The following PRRT2 variants were observed in gnomAD, a reference collection of about 807,000 sequenced individuals.
PRRT2 encodes proline rich transmembrane protein 2.
PRRT2 carries 9 observed loss-of-function variants against 24.7 expected under a neutral mutation model. That is an observed-to-expected ratio of 0.36 (90% confidence interval 0.22 to 0.64). The LOEUF (loss-of-function observed/expected upper bound fraction) is 0.64. Among genes scored for constraint, PRRT2 ranks in the 30% least tolerant of loss-of-function variants. PRRT2 has a pLI of 0.65. For synonymous variants in PRRT2, 195 were observed against 175.5 expected (o/e 1.11, Z -0.88); for missense variants, 460 against 435.0 (o/e 1.06, Z -0.51).
chr16:29,813,711 G>T lies in PRRT2; in HGVS notation c.657G>T (p.Leu219=), dbSNP rs1378426979. 1.3e-6 allele frequency: 2 copies of T among 1,578,344 alleles called. No individual in the cohort carries two copies. The highest frequency in any genetic ancestry group is 4.5e-5 in the East Asian group (2 of 44,308). The part of the protein sequence containing the change: ...PPANGAPPRV[L]QQLVEEDRMR... ...CCAATGGGGCCCCCCCCCGAGTGCT[G>T]CAGCAGCTGGTTGAGGAGGATCGAA... Residue 219 remains leucine, a synonymous_variant, in exon 2 of 4, where the codon CTG becomes CTT. Transcript: ENST00000358758.
In PRRT2 at chr16:29,814,529, C is replaced by T; in HGVS notation, c.1012+64C>T. The T allele has an allele frequency of 1.2e-6, 2 of 1,607,376 alleles. No homozygotes were observed. Among genetic ancestry groups the T allele is most frequent in the Non-Finnish European group, 1.7e-6 (2 of 1,176,564 alleles). On this transcript the variant is annotated intron_variant, in intron 3 of 3. Coordinates refer to ENST00000358758, the MANE Select transcript of PRRT2 (RefSeq NM_145239.3). This position sits in a 1 kb window ranked among gnomAD's most constrained non-coding sequence, Gnocchi z 4.1. The stretch of plus-strand genomic sequence containing the variant: ...GGGTTGGCAAGGGCAGCTTTACTAA[C>T]CCCTGCCCCTGCTCTCTCCTGTCTG...
Position 29,813,403 on chromosome 16 carries a change from G to C in PRRT2, c.349G>C (p.Glu117Gln), listed in dbSNP as rs1900078271. Reference sequence around the variant, plus strand: ...AGTGTCCAAACCAGAAGTGAGCAAAGAGGCCACTGCAGACCAGGGGTCCAG... The same window carrying C: ...AGTGTCCAAACCAGAAGTGAGCAAACAGGCCACTGCAGACCAGGGGTCCAG... ...ETVSKPEVSKEATADQGSRLE... is the reference protein window; with the variant it reads ...ETVSKPEVSKQATADQGSRLE... Residue 117 changes from glutamate (E) to glutamine (Q), a missense_variant, in exon 2 of 4, where the codon GAG becomes CAG. This residue lies in a region of PRRT2 where 378 missense variants were observed against 324.6 expected (regional missense o/e 1.16). Transcript: ENST00000358758. 5.0e-6 allele frequency: 8 copies of C among 1,614,162 alleles called. No homozygotes were observed. Among genetic ancestry groups the C allele is most frequent in the Non-Finnish European group, 6.8e-6 (8 of 1,180,018 alleles).
rs1900058666 is a variant in PRRT2 at position 29,813,101 on chromosome 16, A to G, written c.47A>G (p.Glu16Gly). 1.5e-5 allele frequency: 25 copies of G among 1,613,230 alleles called. No homozygotes were observed. Among genetic ancestry groups the G allele is most frequent in the Non-Finnish European group, 2.0e-5 (24 of 1,179,648 alleles). ...SEISEMKGVE[E>G]SPKVPGEGPG... ...ATCTCTGAGATGAAGGGGGTTGAGG[A>G]GAGTCCCAAGGTTCCAGGCGAAGGG... Residue 16 changes from glutamate (E) to glycine (G), a missense_variant, in exon 2 of 4, where the codon GAG becomes GGG. Coordinates refer to ENST00000358758, the MANE Select transcript of PRRT2 (RefSeq NM_145239.3).
chr16:29,814,409 T>C lies in PRRT2; in HGVS notation c.956T>C (p.Val319Ala). Residue 319 changes from valine (V) to alanine (A), a missense_variant, in exon 3 of 4, where the codon GTG becomes GCG. Around this residue, in one of 3 missense-constraint regions of PRRT2, gnomAD observed 64 missense variants for 71.2 expected, o/e 0.90. Coordinates refer to ENST00000358758, the MANE Select transcript of PRRT2 (RefSeq NM_145239.3). This position sits in a 1 kb window ranked among gnomAD's most constrained non-coding sequence, Gnocchi z 4.1. ...CGGGTAGCCAAGCTCTTAAGCATCGTGGCGCTGGTGGGGGGAGTCCTCATC... is the reference window on the plus strand; with the variant it reads ...CGGGTAGCCAAGCTCTTAAGCATCGCGGCGCTGGTGGGGGGAGTCCTCATC... The part of the protein sequence containing the change: ...LGRVAKLLSI[V>A]ALVGGVLIII... The C allele has an allele frequency of 8.1e-6, 13 of 1,609,702 alleles. No individual in the cohort carries two copies. Among genetic ancestry groups the C allele is most frequent in the Non-Finnish European group, 1.1e-5 (13 of 1,178,032 alleles).
intron 2 of PRRT2, 63 bp downstream of exon 2, chr16:29,813,996 A>G (rs766702791): frequency 1.9e-5 from 29 of 1,528,418 alleles, no homozygotes; most frequent in African/African-American, 2.8e-5. Context: ...CAGCGCTGCA[A>G]TAGAGCCTCT....
At position 29,815,095 on chromosome 16, in the gene PRRT2, T is replaced by G; in HGVS notation, c.*457T>G. 5.9e-6 allele frequency: 1 copy of G among 169,896 alleles called. No homozygotes were observed. Among genetic ancestry groups the G allele is most frequent in the Non-Finnish European group, 1.3e-5 (1 of 79,466 alleles). The allele number at this position is 169,896 out of a possible 1,614,324, so 10.5% of individuals were successfully genotyped here. A position where few individuals can be genotyped will look rare whatever the true frequency, so the allele number is the denominator to read the frequency against. ...GCATCTCTCAACCCTCAGTCCTCTC[T>G]TCCTTCCCTTCTTTATCATCTCCCC... is the stretch of plus-strand genomic sequence containing the variant. On this transcript the variant is annotated 3_prime_UTR_variant, in exon 4 of 4. Transcript: ENST00000358758.
chr16:29,813,930 C>T lies in PRRT2; in HGVS notation c.876C>T (p.Val292=). ...PVNIVAFAYA[V]MSRNSLQQGD... ...ACATCGTGGCCTTCGCTTATGCTGT[C>T]ATGGTGAGCCCCATGGGACCCTAGC... is the stretch of plus-strand genomic sequence containing the variant. The change falls in exon 2 of 4, where the codon GTC becomes GTT. Residue 292 remains valine, a synonymous_variant. Transcript: ENST00000358758. 1 of 1,586,156 alleles carries T rather than the reference C, an allele frequency of 6.3e-7. No homozygotes were observed. The highest frequency in any genetic ancestry group is 8.6e-7 in the Non-Finnish European group (1 of 1,165,442).
In PRRT2 at chr16:29,814,114, T is replaced by C. The variant is rs989178892; in HGVS notation, c.879+181T>C. The C allele has an allele frequency of 3.4e-6, 5 of 1,476,674 alleles. No individual in the cohort carries two copies. The African/African-American group carries it at 5.7e-5, about 17-fold the overall frequency. The allele number at this position is 1,476,674 out of a possible 1,614,324, so 91.5% of individuals were successfully genotyped here. On this transcript the variant is annotated intron_variant, in intron 2 of 3. Coordinates refer to ENST00000358758, the MANE Select transcript of PRRT2 (RefSeq NM_145239.3). This position sits in a 1 kb window ranked among gnomAD's most constrained non-coding sequence, Gnocchi z 4.1. ...AGGACCTAACCCTCTGAGCCACCACTGCCCTGCCCCTTTGGGTGGGAGGGA... is the reference window on the plus strand; with the variant it reads ...AGGACCTAACCCTCTGAGCCACCACCGCCCTGCCCCTTTGGGTGGGAGGGA...
chr16:29,815,722 C>A lies in PRRT2; in HGVS notation c.*1084C>A, dbSNP rs1264935909. ...TTCGGATTTGGCGGGGGTTTTTTTCCTTAAAAAAAAAAAAAAAAAAAAAAA... is the reference window on the plus strand; with the variant it reads ...TTCGGATTTGGCGGGGGTTTTTTTCATTAAAAAAAAAAAAAAAAAAAAAAA... On this transcript the variant is annotated 3_prime_UTR_variant, in exon 4 of 4. Transcript: ENST00000358758. 2.1e-5 allele frequency: 1 copy of A among 47,256 alleles called. No individual in the cohort carries two copies. Among genetic ancestry groups the A allele is most frequent in the Non-Finnish European group, 3.8e-5 (1 of 26,190 alleles). The allele number at this position is 47,256 out of a possible 1,614,324, so 2.9% of individuals were successfully genotyped here. A position where few individuals can be genotyped will look rare whatever the true frequency, so the allele number is the denominator to read the frequency against.
Position 29,814,162 on chromosome 16 carries a change from C to T in PRRT2, c.880-171C>T. The stretch of plus-strand genomic sequence containing the variant: ...GGATATGGAAACACGTGTCACACAG[C>T]CTCGCTGACCTGTGCCCTCCTCCCC... On this transcript the variant is annotated intron_variant, in intron 2 of 3. Transcript: ENST00000358758. This position sits in a 1 kb window ranked among gnomAD's most constrained non-coding sequence, Gnocchi z 4.1. 6.7e-7 allele frequency: 1 copy of T among 1,490,954 alleles called. No individual in the cohort carries two copies. The highest frequency in any genetic ancestry group is 8.9e-7 in the Non-Finnish European group (1 of 1,129,420). The allele number at this position is 1,490,954 out of a possible 1,614,324, so 92.4% of individuals were successfully genotyped here.
Position 29,813,385 on chromosome 16 carries a change from A to G in PRRT2, c.331A>G (p.Lys111Glu). Residue 111 changes from lysine (K) to glutamate (E), a missense_variant, in exon 2 of 4, where the codon AAA (lysine) becomes GAA (glutamate). Lys to Glu is a moderately conservative substitution (Grantham distance 56). Transcript: ENST00000358758. Reference protein sequence around the residue: ...PEDPCQETVSKPEVSKEATAD... With the variant: ...PEDPCQETVSEPEVSKEATAD... ...AGACCCATGCCAAGAAACAGTGTCC[A>G]AACCAGAAGTGAGCAAAGAGGCCAC... The G allele has an allele frequency of 6.2e-7, 1 of 1,614,158 alleles. No homozygotes were observed. Among genetic ancestry groups the G allele is most frequent in the Non-Finnish European group, 8.5e-7 (1 of 1,180,014 alleles).
In PRRT2 at chr16:29,813,755, G is replaced by A; in HGVS notation, c.701G>A (p.Gly234Glu). Residue 234 changes from glycine (G) to glutamate (E), a missense_variant, in exon 2 of 4, where the codon GGG becomes GAG. This residue lies in a region of PRRT2 where 378 missense variants were observed against 324.6 expected (regional missense o/e 1.16). Coordinates refer to ENST00000358758, the MANE Select transcript of PRRT2 (RefSeq NM_145239.3). ...EEDRMRRAHS[G>E]HPGSPRGSLS... ...GATCGAATGAGAAGGGCACACAGTG[G>A]GCATCCAGGATCTCCCCGAGGTAGC... 1.3e-6 allele frequency: 2 copies of A among 1,590,888 alleles called. No homozygotes were observed. Among genetic ancestry groups the A allele is most frequent in the Non-Finnish European group, 1.7e-6 (2 of 1,167,928 alleles).
chr16:29,814,376 G>A lies in PRRT2; in HGVS notation c.923G>A (p.Arg308His), dbSNP rs989894169. ...CAGGGGGACGTGGACGGGGCCCAGC[G>A]TCTGGGCCGGGTAGCCAAGCTCTTA... ...LQQGDVDGAQ[R>H]LGRVAKLLSI... Residue 308 changes from arginine to histidine, a missense_variant, in exon 3 of 4, where the codon CGT (arginine) becomes CAT (histidine). This residue lies in a region of PRRT2 where 64 missense variants were observed against 71.2 expected (regional missense o/e 0.90). Transcript: ENST00000358758. This position sits in a 1 kb window ranked among gnomAD's most constrained non-coding sequence, Gnocchi z 4.1. 1.2e-5 allele frequency: 19 copies of A among 1,610,168 alleles called. No homozygotes were observed. The Admixed American group carries it at 1.5e-4, about 13-fold the overall frequency.
chr16:29,813,810 A>T lies in PRRT2; in HGVS notation c.756A>T (p.Ala252=). 1.2e-6 allele frequency: 2 copies of T among 1,612,796 alleles called. No individual in the cohort carries two copies. The highest frequency in any genetic ancestry group is 1.7e-6 in the Non-Finnish European group (2 of 1,179,376). The stretch of plus-strand genomic sequence containing the variant: ...GCCGCCACCCCAGCTCCCAGTTGGC[A>T]GGTCCTGGGGTGGAGGGGGGTGAAG... ...SLSRHPSSQL[A]GPGVEGGEGT... The change falls in exon 2 of 4, where the codon GCA becomes GCT. Residue 252 remains alanine, a synonymous_variant. Coordinates refer to ENST00000358758, the MANE Select transcript of PRRT2 (RefSeq NM_145239.3).
At position 29,815,678 on chromosome 16, in the gene PRRT2, G is replaced by A. The variant is rs1484506071; in HGVS notation, c.*1040G>A. ...ACGCGACAGCCCGCTGAGGAGGCGGGGACCGAGCTACAACGCGGTTCGGAT... is the reference window on the plus strand; with the variant it reads ...ACGCGACAGCCCGCTGAGGAGGCGGAGACCGAGCTACAACGCGGTTCGGAT... On this transcript the variant is annotated 3_prime_UTR_variant, in exon 4 of 4. Coordinates refer to ENST00000358758, the MANE Select transcript of PRRT2 (RefSeq NM_145239.3). The A allele has an allele frequency of 1.3e-5, 2 of 149,590 alleles. No individual in the cohort carries two copies. The highest frequency in any genetic ancestry group is 3.0e-5 in the Non-Finnish European group (2 of 67,588). 9.3% of individuals were successfully genotyped at this position (149,590 alleles called of 1,614,324 possible).
chr16:29,813,238 G>A lies in PRRT2; in HGVS notation c.184G>A (p.Gly62Arg). The A allele has an allele frequency of 2.5e-6, 4 of 1,613,936 alleles. No homozygotes were observed. The highest frequency in any genetic ancestry group is 2.5e-6 in the Non-Finnish European group (3 of 1,179,986). ...PNTTAAPVDS[G>R]PKAGLAPETT... ...CACCACTGCGGCCCCTGTGGACTCA[G>A]GGCCCAAGGCTGGGCTGGCTCCAGA... Residue 62 changes from glycine (G) to arginine (R), a missense_variant, in exon 2 of 4, where the codon GGG (glycine) becomes AGG (arginine). Gly to Arg is a moderately radical substitution (Grantham distance 125). Around this residue, in one of 3 missense-constraint regions of PRRT2, gnomAD observed 378 missense variants for 324.6 expected, o/e 1.16. Transcript: ENST00000358758.
At position 29,812,203 on chromosome 16, in the gene PRRT2, G is replaced by C. The variant is rs1031263219; in HGVS notation, c.-186G>C. ...CGGAGAGGAGGGGATGAGCACACGGGAGAGGAGAAGAGGGAGACCCGCCGC... is the reference window on the plus strand; with the variant it reads ...CGGAGAGGAGGGGATGAGCACACGGCAGAGGAGAAGAGGGAGACCCGCCGC... On this transcript the variant is annotated 5_prime_UTR_variant, in exon 1 of 4. Coordinates refer to ENST00000358758, the MANE Select transcript of PRRT2 (RefSeq NM_145239.3). 1.2e-5 allele frequency: 2 copies of C among 166,050 alleles called. No homozygotes were observed. The highest frequency in any genetic ancestry group is 1.3e-5 in the Non-Finnish European group (1 of 75,830). 10.3% of individuals were successfully genotyped at this position (166,050 alleles called of 1,614,324 possible). A position where few individuals can be genotyped will look rare whatever the true frequency, so the allele number is the denominator to read the frequency against.
Position 29,813,674 on chromosome 16 carries a change from A to C in PRRT2, c.620A>C (p.Lys207Thr). 6.2e-7 allele frequency: 1 copy of C among 1,606,002 alleles called. No individual in the cohort carries two copies. Among genetic ancestry groups the C allele is most frequent in the South Asian group, 1.1e-5 (1 of 90,414 alleles). The change falls in exon 2 of 4, where the codon AAA (lysine) becomes ACA (threonine). Residue 207 changes from lysine (K) to threonine (T), a missense_variant. By Grantham distance (78) the Lys-to-Thr change is moderately conservative. Transcript: ENST00000358758. Reference protein sequence around the residue: ...APEPHSPPSKKSPPANGAPPR... With the variant: ...APEPHSPPSKTSPPANGAPPR... ...GAGCCTCACTCACCACCCTCAAAAA[A>C]ATCCCCCCCAGCCAATGGGGCCCCC... is the stretch of plus-strand genomic sequence containing the variant.
chr16:29,814,739 C>T lies in PRRT2; in HGVS notation c.*101C>T, dbSNP rs1900163370. ...CCCAACTGATGGCCCTGGCCCCCAC[C>T]CCTAAGGACCAAGGGAGCCTGAGCG... On this transcript the variant is annotated 3_prime_UTR_variant, in exon 4 of 4. Transcript: ENST00000358758. The surrounding 1 kb of genome is among the most constrained non-coding windows in gnomAD (Gnocchi z 4.1). 4 of 1,314,610 alleles carry T rather than the reference C, an allele frequency of 3.0e-6. No individual in the cohort carries two copies. Among genetic ancestry groups the T allele is most frequent in the Non-Finnish European group, 3.1e-6 (3 of 956,686 alleles). The allele number at this position is 1,314,610 out of a possible 1,614,324, so 81.4% of individuals were successfully genotyped here.
Sources: allele counts gnomAD v4.1 joint callset, GRCh38; gene constraint gnomAD v4.1.1; regional missense constraint gnomAD v4.1.1; non-coding constraint Gnocchi (gnomAD v3.1); transcripts MANE v1.5; gene names NCBI Gene and HGNC (gene_info 2026-07-23, HGNC 2026-07-21).